SIN3A: variants seen among roughly 807,000 people sequenced by gnomAD.
SIN3A encodes paired amphipathic helix protein Sin3a.
Under a neutral mutation model 146.1 loss-of-function variants are expected in SIN3A, and 14 were observed. The observed-to-expected ratio is 0.10, with a 90% CI of 0.06 to 0.15. The LOEUF (loss-of-function observed/expected upper bound fraction) is 0.15, where lower values mean the gene tolerates loss of function less well. Ranked by LOEUF, SIN3A falls within the 10% of genes least tolerant of loss-of-function variation. The pLI, the probability that SIN3A is intolerant of heterozygous loss-of-function variation, is 1.00. For synonymous variants in SIN3A, 572 were observed against 572.0 expected, an observed-to-expected ratio of 1.00 and a Z score of 0.00; for missense variants, 1,028 against 1,576.0, an observed-to-expected ratio of 0.65 and a Z score of 5.89.
intron 1 of SIN3A, among the ~76,000 whole-genome samples, chr15:75,436,145 A>C (rs1374968940): frequency 2.0e-5 from 3 of 148,522 alleles, no homozygotes; most frequent in African/African-American, 7.5e-5. Flanking sequence ...AAAAAAAAAC[A>C]AAAAAAACAA....
At chr15:75,399,301 G>A (rs750611291) in intron 12 of SIN3A, among the ~76,000 whole-genome samples, 5 of 152,172 alleles carry the variant, frequency 3.3e-5, no homozygotes, top group Admixed American at 6.5e-5. Flanking sequence ...GGCCGAGACG[G>A]GTGGATCACG....
intron 2 of SIN3A, among the ~76,000 whole-genome samples, chr15:75,425,045 TC>T (rs1165978257): frequency 6.6e-6 from 1 of 152,150 alleles, no homozygotes; most frequent in Non-Finnish European, 1.5e-5. Context: ...AAAGACCCTG[TC>T]TCAAAAAAAT....
rs375542338 is a variant in SIN3A, at chr15:75,386,805, T to C, written c.3022-2368A>G. On this transcript the variant is annotated intron_variant, in intron 16 of 20. Transcript: ENST00000394947. Reference sequence around the variant, plus strand: ...ATTGTATTCTTAATACAAATCCCTCTTAAGCCAGCCTACAATAGGTAAGAT... The same window carrying C: ...ATTGTATTCTTAATACAAATCCCTCCTAAGCCAGCCTACAATAGGTAAGAT... 3.3e-4 allele frequency among the ~76,000 whole-genome samples: 50 copies of C among 152,300 alleles called. No homozygotes were observed. The East Asian group carries it at 6.6e-3, about 20-fold the overall frequency.
chr15:75,392,477 T>C lies in SIN3A; in HGVS notation c.2616A>G (p.Ala872=). ...PKSKLLFSNT[A]AQKLRGMDEV... Reference sequence around the variant, plus strand: ...CATCCATTCCTCTTAATTTTTGAGCTGCTGTGTTACTAAACAGTAACTTGG... The same window carrying C: ...CATCCATTCCTCTTAATTTTTGAGCCGCTGTGTTACTAAACAGTAACTTGG... Residue 872 remains alanine (A), a synonymous_variant, in exon 15 of 21, where the codon GCA becomes GCG. Coordinates refer to ENST00000394947, the MANE Select transcript of SIN3A (RefSeq NM_001145358.2). 1.2e-6 allele frequency: 2 copies of C among 1,614,254 alleles called. No individual in the cohort carries two copies. The highest frequency in any genetic ancestry group is 1.7e-6 in the Non-Finnish European group (2 of 1,180,048).
intron 10 of SIN3A, among the ~76,000 whole-genome samples, chr15:75,401,635 C>T (rs1165512198): frequency 2.0e-5 from 3 of 152,208 alleles, no homozygotes; most frequent in Non-Finnish European, 4.4e-5. Context: ...CAGGAGACCA[C>T]TAGTCTTGGC....
At chr15:75,451,122 A>T (rs975682734) in intron 1 of SIN3A, among the ~76,000 whole-genome samples, 3 of 145,592 alleles carry the variant, frequency 2.1e-5, no homozygotes, top group African/African-American at 7.8e-5. Flanking sequence ...AACTGCACTC[A>T]GCGCGAAGCC....
chr15:75,450,989 G>A (rs1473464212), intron 1 of SIN3A, among the ~76,000 whole-genome samples: 1 of 150,166 alleles, frequency 6.7e-6, no homozygotes, highest in South Asian at 2.1e-4. Flanking sequence ...CCTCCCTGCC[G>A]CGCCCTGAAT....
intron 1 of SIN3A, among the ~76,000 whole-genome samples, chr15:75,439,229 A>G (rs1032179001): frequency 9.9e-5 from 15 of 152,222 alleles, no homozygotes; most frequent in Admixed American, 8.5e-4. Flanking sequence ...GATGTTGTCA[A>G]ACATCCTACA....
chr15:75,374,889 A>G (rs1440048537), intron 20 of SIN3A, among the ~76,000 whole-genome samples: 1 of 152,276 alleles, frequency 6.6e-6, no homozygotes, highest in African/African-American at 2.4e-5. Context: ...CTGGTAGTGC[A>G]TATCATCGCA....
intron 1 of SIN3A, chr15:75,446,447 A>G (rs1181046251): frequency 6.6e-6 from 1 of 150,804 alleles, no homozygotes; most frequent in Non-Finnish European, 1.5e-5. Context: ...GAGAGGTACT[A>G]GGATAAGGGT....
chr15:75,420,795 T>C (rs1205567260), intron 3 of SIN3A: 2 of 152,196 alleles, frequency 1.3e-5, no homozygotes, highest in African/African-American at 4.8e-5. Flanking sequence ...TGAGTTAAAT[T>C]ACATGGAGGT....
chr15:75,401,453 G>C (rs1375885556), intron 10 of SIN3A, among the ~76,000 whole-genome samples: 1 of 152,060 alleles, frequency 6.6e-6, no homozygotes, highest in Non-Finnish European at 1.5e-5. Flanking sequence ...AGAATCACCT[G>C]AACCCAGGAG....
At position 75,384,294 on chromosome 15, in the gene SIN3A, C is replaced by T. The variant is rs1429600801; in HGVS notation, c.3165G>A (p.Glu1055=). 1 of 1,613,046 alleles carries T rather than the reference C, an allele frequency of 6.2e-7. No individual in the cohort carries two copies. The highest frequency in any genetic ancestry group is 1.1e-5 in the South Asian group (1 of 90,986). ...AGCAATTCTCATCTGACATTAGCTGCTCAGCTTTCCGCTGATACGTTGACT... is the reference window on the plus strand; with the variant it reads ...AGCAATTCTCATCTGACATTAGCTGTTCAGCTTTCCGCTGATACGTTGACT... ...LLESTYQRKA[E]QLMSDENCFK... is the part of the protein sequence containing the mutation. Residue 1055 remains glutamate, a synonymous_variant, in exon 17 of 21, where the codon GAG becomes GAA. Transcript: ENST00000394947.
chr15:75,392,146 T>A lies in SIN3A; in HGVS notation c.2851+96A>T. The stretch of plus-strand genomic sequence containing the variant: ...GTTTAACTACACAGACTCTAATGCC[T>A]GTGCTCTATTAATAAAAGAAGCAGT... On this transcript the variant is annotated intron_variant, in intron 15 of 20. Transcript: ENST00000394947. 1.5e-5 allele frequency: 16 copies of A among 1,063,198 alleles called. No individual in the cohort carries two copies. The South Asian group carries it at 2.1e-4, about 14-fold the overall frequency. 65.9% of individuals were successfully genotyped at this position (1,063,198 alleles called of 1,614,324 possible). A position where few individuals can be genotyped will look rare whatever the true frequency, so the allele number is the denominator to read the frequency against.
chr15:75,373,795 T>C (rs1322002671), intron 20 of SIN3A, among the ~76,000 whole-genome samples: 1 of 151,378 alleles, frequency 6.6e-6, no homozygotes, highest in Non-Finnish European at 1.5e-5. Context: ...GCAGTATATA[T>C]AATACATACA....
rs1302778343 is a variant in SIN3A, at chr15:75,392,707, G to A, written c.2386C>T (p.His796Tyr). Residue 796 changes from histidine to tyrosine, a missense_variant, in exon 15 of 21, where the codon CAC becomes TAC. By Grantham distance (83) the His-to-Tyr change is moderately conservative. Around this residue, in one of 9 missense-constraint regions of SIN3A, gnomAD observed 488 missense variants for 690.2 expected, o/e 0.71. Coordinates refer to ENST00000394947, the MANE Select transcript of SIN3A (RefSeq NM_001145358.2). ...ILEDAAALIIHHVKRQTGIQK... is the reference protein window; with the variant it reads ...ILEDAAALIIYHVKRQTGIQK... ...ATGCCTGTCTGCCTCTTCACATGGT[G>A]GATAATCAGAGCAGCAGCATCTTCC... 2 of 1,614,042 alleles carry A rather than the reference G, an allele frequency of 1.2e-6. No individual in the cohort carries two copies. The highest frequency in any genetic ancestry group is 2.7e-5 in the African/African-American group (2 of 74,918).
chr15:75,423,255 G>A (rs777767286), intron 2 of SIN3A, among the ~76,000 whole-genome samples: 11 of 151,810 alleles, frequency 7.2e-5, no homozygotes, highest in Admixed American at 1.3e-4. Context: ...TCTAGCCCAG[G>A]TGACAGAATG....
intron 8 of SIN3A, among the ~76,000 whole-genome samples, chr15:75,408,167 C>A (rs537399106): frequency 1.3e-5 from 2 of 152,214 alleles, no homozygotes; most frequent in African/African-American, 4.8e-5. Context: ...AATTTTAAGC[C>A]CCCACTATAT....
intron 9 of SIN3A, among the ~76,000 whole-genome samples, chr15:75,402,468 G>T (rs113872878): frequency 6.6e-6 from 1 of 151,708 alleles, no homozygotes; most frequent in Non-Finnish European, 1.5e-5. Context: ...CAGTGAGCTG[G>T]GATAATGCCA....
Sources: gnomAD v4.1 joint callset for allele counts (sites outside exome capture counted in the v4.1 genomes callset) on GRCh38, gnomAD v4.1.1 for gene constraint, gnomAD v4.1.1 regional missense constraint, MANE v1.5 for transcripts, NCBI Gene and HGNC (gene_info 2026-07-23, HGNC 2026-07-21) for gene names.